SLC9A8: variants seen among roughly 807,000 people sequenced by gnomAD.
SLC9A8 encodes the protein sodium/hydrogen exchanger 8.
SLC9A8 carries 48 observed loss-of-function variants against 66.6 expected under a neutral mutation model. The ratio of observed to expected loss-of-function variants is 0.72; its 90% CI spans 0.57 to 0.92. The LOEUF (loss-of-function observed/expected upper bound fraction) is 0.92. Ranked by LOEUF, SLC9A8 falls within the 40% of genes least tolerant of loss-of-function variation. The pLI is 0.00. For missense variants in SLC9A8, 599 were observed against 747.3 expected, an observed-to-expected ratio of 0.80 and a Z score of 2.31; for synonymous variants, 274 against 282.6, an observed-to-expected ratio of 0.97 and a Z score of 0.31.
intron 10 of SLC9A8, among the ~76,000 whole-genome samples, chr20:49,872,197 C>T (rs2089237947): frequency 1.3e-5 from 2 of 152,148 alleles, no homozygotes; most frequent in Admixed American, 1.3e-4. Context: ...CCTACCCTCT[C>T]ATTTTCCTTC....
At position 49,821,941 on chromosome 20, in the gene SLC9A8, G is replaced by A. The variant is rs76212831; in HGVS notation, c.209-1120G>A. 0.023 allele frequency among the ~76,000 whole-genome samples: 3,484 copies of A among 152,296 alleles called. 382 individuals are homozygous for A. The East Asian group carries it at 0.35, about 15-fold the overall frequency. ...GTGGGAGGTGGTGGGGTATGCTGTG[G>A]TTAAGAGCACAGATTTGGAATCTGA... is the stretch of plus-strand genomic sequence containing the variant. On this transcript the variant is annotated intron_variant, in intron 2 of 15. Coordinates refer to ENST00000361573, the MANE Select transcript of SLC9A8 (RefSeq NM_015266.3).
rs75468603 is a variant in SLC9A8 at position 49,877,718 on chromosome 20, C to T, written c.1076-263C>T. On this transcript the variant is annotated intron_variant, in intron 11 of 15. Coordinates refer to ENST00000361573, the MANE Select transcript of SLC9A8 (RefSeq NM_015266.3). ...GTTTATCATCTTCCCTGGGTGGGAT[C>T]GTGTTTATTTGCAGAAGTATTTGAC... 5.9e-5 allele frequency among the ~76,000 whole-genome samples: 9 copies of T among 152,190 alleles called. No individual in the cohort carries two copies. The East Asian group carries it at 7.7e-4, about 13-fold the overall frequency.
At chr20:49,845,232 T>C (rs796644149) in intron 5 of SLC9A8, 113 bp downstream of exon 5, 1 of 759,290 alleles carries the variant, frequency 1.3e-6, no homozygotes, top group Non-Finnish European at 2.3e-6. Flanking sequence ...GCAGCTCTGC[T>C]CCTTCCTGGT....
intron 10 of SLC9A8, among the ~76,000 whole-genome samples, chr20:49,872,719 T>G (rs1015994013): frequency 3.3e-5 from 5 of 152,142 alleles, no homozygotes; most frequent in Non-Finnish European, 5.9e-5. Flanking sequence ...ATTCCTGACC[T>G]CGTGATTCAC....
rs11469884 is a variant in SLC9A8, at chr20:49,831,402, ACTCTCTCTCTCTCTCTCT to A, written c.290-8126_290-8109del. 4.2e-3 allele frequency among the ~76,000 whole-genome samples: 598 copies of A among 142,844 alleles called. 4 individuals carry two copies. Among genetic ancestry groups the A allele is most frequent in the African/African-American group, 0.014 (559 of 38,732 alleles). The allele number at this position is 142,844 out of a possible 152,430, so 93.7% of individuals were successfully genotyped here. ...TGTGTACACACACAAACACACACAC[ACTCTCTCTCTCTCTCTCT>A]CTCTCTCTCTCTGTCTCTCTCTCTC... On this transcript the variant is annotated intron_variant, in intron 3 of 15. Coordinates refer to ENST00000361573, the MANE Select transcript of SLC9A8 (RefSeq NM_015266.3).
At position 49,834,139 on chromosome 20, in the gene SLC9A8, G is replaced by GTC. The variant is rs71335517; in HGVS notation, c.290-5356_290-5355dup. On this transcript the variant is annotated intron_variant, in intron 3 of 15. Coordinates refer to ENST00000361573, the MANE Select transcript of SLC9A8 (RefSeq NM_015266.3). ...TGGTGCACGCTTGTAATATTAGCTT[G>GTC]TCTCTCTCTCTCTCTCTCTCTCTCT... 5.4e-3 allele frequency among the ~76,000 whole-genome samples: 352 copies of GTC among 65,370 alleles called. 1 individual carries two copies. The highest frequency in any genetic ancestry group is 0.012 in the African/African-American group (150 of 13,042). 42.9% of individuals were successfully genotyped at this position (65,370 alleles called of 152,430 possible). A position where few individuals can be genotyped will look rare whatever the true frequency, so the allele number is the denominator to read the frequency against.
intron 3 of SLC9A8, among the ~76,000 whole-genome samples, chr20:49,827,625 A>T (rs1043798802): frequency 4.0e-5 from 6 of 151,816 alleles, no homozygotes; most frequent in African/African-American, 1.5e-4. Context: ...AAAAAGAAAA[A>T]GAAAATGAAA....
intron 5 of SLC9A8, among the ~76,000 whole-genome samples, chr20:49,848,349 T>C (rs1568834948): frequency 6.6e-6 from 1 of 152,226 alleles, no homozygotes; most frequent in African/African-American, 2.4e-5. Flanking sequence ...AAGATTGATA[T>C]GCCAAACAAA....
At chr20:49,878,312 T>C (rs1181016918) in intron 12 of SLC9A8, among the ~76,000 whole-genome samples, 1 of 152,160 alleles carries the variant, frequency 6.6e-6, no homozygotes, top group Non-Finnish European at 1.5e-5. Flanking sequence ...TTAATGGCCT[T>C]GAATATTATG....
intron 8 of SLC9A8, among the ~76,000 whole-genome samples, chr20:49,859,578 A>G (rs1451475631): frequency 6.6e-6 from 1 of 151,530 alleles, no homozygotes; most frequent in African/African-American, 2.4e-5. Flanking sequence ...TTGAAGAGGT[A>G]TACTTCATAA....
chr20:49,879,695 C>A (rs1160567369), intron 12 of SLC9A8, among the ~76,000 whole-genome samples: 3 of 151,618 alleles, frequency 2.0e-5, no homozygotes, highest in Non-Finnish European at 2.9e-5. Context: ...CATGGTAGCA[C>A]ACGCCTGTAA....
intron 10 of SLC9A8, among the ~76,000 whole-genome samples, chr20:49,866,692 C>CT (rs1262689067): frequency 2.6e-5 from 4 of 152,058 alleles, no homozygotes; most frequent in Non-Finnish European, 5.9e-5. Flanking sequence ...TTGCCCATTT[C>CT]TTTATCAATA....
chr20:49,817,334 A>C (rs773515955), intron 2 of SLC9A8, among the ~76,000 whole-genome samples: 1 of 151,768 alleles, frequency 6.6e-6, no homozygotes, highest in Non-Finnish European at 1.5e-5. Context: ...CCCCAAAAAA[A>C]CAAAAACAAA....
rs553632863 is a variant in SLC9A8 at position 49,883,704 on chromosome 20, C to T, written c.1271-142C>T. On this transcript the variant is annotated intron_variant, in intron 13 of 15. Transcript: ENST00000361573. ...CTGCTCTTTACACCCCAAAGCCTCA[C>T]AGGGTGAGCACACACTCTTCAGCAG... The T allele has an allele frequency of 2.0e-5, 13 of 654,406 alleles. No individual in the cohort carries two copies. In the Admixed American group the frequency reaches 3.8e-4, roughly 19 times the overall value. The allele number at this position is 654,406 out of a possible 1,614,324, so 40.5% of individuals were successfully genotyped here.
chr20:49,869,267 T>C lies in SLC9A8; in HGVS notation c.958+4423T>C, dbSNP rs548271993. Among the ~76,000 whole-genome samples, 90 of 152,268 alleles carry C rather than the reference T, an allele frequency of 5.9e-4. 1 individual carries two copies. The highest frequency in any genetic ancestry group is 2.2e-3 in the Admixed American group (34 of 15,302). Reference sequence around the variant, plus strand: ...CAGAGTTTCGCTCTGTAGCCCAGTCTGGAGTGCAGTGGTGCCATCTCGGCT... The same window carrying C: ...CAGAGTTTCGCTCTGTAGCCCAGTCCGGAGTGCAGTGGTGCCATCTCGGCT... On this transcript the variant is annotated intron_variant, in intron 10 of 15. Transcript: ENST00000361573.
Position 49,849,583 on chromosome 20 carries a change from ACTT to A in SLC9A8, c.441_443del (p.Phe148del). 6.2e-7 allele frequency: 1 copy of A among 1,612,276 alleles called. No homozygotes were observed. The highest frequency in any genetic ancestry group is 8.5e-7 in the Non-Finnish European group (1 of 1,178,398). On this transcript the variant is annotated inframe_deletion, in exon 6 of 16. Transcript: ENST00000361573. Reference sequence around the variant, plus strand: ...GATTTCTGCTCTTTCAAACAGGGTAACTTCTTTCAAAATATTGGTTCCATCACC... The same window carrying A: ...GATTTCTGCTCTTTCAAACAGGGTAACTTTCAAAATATTGGTTCCATCACC...
At chr20:49,869,676 A>G (rs1336972381) in intron 10 of SLC9A8, among the ~76,000 whole-genome samples, 2 of 151,970 alleles carry the variant, frequency 1.3e-5, no homozygotes, top group South Asian at 2.1e-4. Context: ...TACTAAAAAT[A>G]CAAAATATTA....
In SLC9A8 at chr20:49,883,967, C is replaced by T. The variant is rs574505321; in HGVS notation, c.1392C>T (p.Gly464=). The change falls in exon 14 of 16, where the codon GGC becomes GGT. Residue 464 remains glycine, a synonymous_variant. Transcript: ENST00000361573. ...VIVLFTILLL[G]GSTMPLIRLM... ...TGCTCTTCACCATCCTGCTGCTGGG[C>T]GGCAGCACCATGCCCCTCATTCGCC... 2.2e-5 allele frequency: 35 copies of T among 1,613,274 alleles called. No homozygotes were observed. Among genetic ancestry groups the T allele is most frequent in the African/African-American group, 1.5e-4 (11 of 74,956 alleles).
chr20:49,827,028 G>A (rs1488119096), intron 3 of SLC9A8, among the ~76,000 whole-genome samples: 1 of 150,770 alleles, frequency 6.6e-6, no homozygotes, highest in Non-Finnish European at 1.5e-5. Flanking sequence ...TGCAACCTCC[G>A]CCCCCTGGGT....
Sources: gnomAD v4.1 joint callset for allele counts (sites outside exome capture counted in the v4.1 genomes callset) on GRCh38, gnomAD v4.1.1 for gene constraint, MANE v1.5 for transcripts, NCBI Gene and HGNC (gene_info 2026-07-23, HGNC 2026-07-21) for gene names.